The following PSD2 variants were observed in gnomAD, a reference collection of about 807,000 sequenced individuals.
PSD2 encodes pleckstrin and Sec7 domain containing 2.
A neutral mutation model predicts 69.8 loss-of-function variants in PSD2; 38 were observed. That is an observed-to-expected ratio of 0.54 (90% confidence interval 0.42 to 0.71). The LOEUF (loss-of-function observed/expected upper bound fraction) is 0.71, where lower values mean the gene tolerates loss of function less well. Among genes scored for constraint, PSD2 ranks in the 30% least tolerant of loss-of-function variants. The pLI is 0.00. For synonymous variants in PSD2, 412 were observed against 423.0 expected (o/e 0.97, Z 0.32); for missense variants, 943 against 1,014.5 (o/e 0.93, Z 0.96).
Position 139,837,664 on chromosome 5 carries a change from C to T in PSD2, c.1705C>T (p.Leu569=). 2 of 1,613,812 alleles carry T rather than the reference C, an allele frequency of 1.2e-6. No homozygotes were observed. Among genetic ancestry groups the T allele is most frequent in the Non-Finnish European group, 1.7e-6 (2 of 1,179,728 alleles). The change falls in exon 12 of 15, where the codon CTG becomes TTG. Residue 569 remains leucine, a synonymous_variant. Coordinates refer to ENST00000274710, the MANE Select transcript of PSD2 (RefSeq NM_032289.4). This position sits in a 1 kb window ranked among gnomAD's most constrained non-coding sequence, Gnocchi z 5.0. The part of the protein sequence containing the change: ...RPDKALSEGD[L]KNAIRVHHAL... ...TGACAAAGCTCTATCGGAGGGTGAC[C>T]TGAAGAACGCCATTCGCGTGCATCA...
intron 7 of PSD2, 89 bp from the exon 8 acceptor site, chr5:139,833,613 C>T (rs1406395147): frequency 2.3e-6 from 2 of 873,484 alleles, no homozygotes; most frequent in Admixed American, 3.4e-5. Flanking sequence ...TTAATGCTGC[C>T]TCATCCCTCT....
chr5:139,834,817 T>C (rs1240003824), intron 8 of PSD2, among the ~76,000 whole-genome samples: 1 of 151,732 alleles, frequency 6.6e-6, no homozygotes, highest in African/African-American at 2.4e-5. Context: ...CCTATCCATT[T>C]CTCCCAAACT....
At chr5:139,759,309 C>CTT in the PSD2 span, among the ~76,000 whole-genome samples, 1 of 151,578 alleles carries the variant, frequency 6.6e-6, no homozygotes. Context: ...CGCGCTCTCT[C>CTT]TCCACTCACA....
At chr5:139,778,447 A>G in the PSD2 span, among the ~76,000 whole-genome samples, 1 of 152,168 alleles carries the variant, frequency 6.6e-6, no homozygotes, top group South Asian at 2.1e-4. Flanking sequence ...ATTTCAGCAA[A>G]TATTTGTGAT....
upstream of PSD2, among the ~76,000 whole-genome samples, chr5:139,793,893 G>A (rs1759462982): frequency 6.6e-6 from 1 of 152,220 alleles, no homozygotes; most frequent in Admixed American, 6.5e-5. Context: ...TGAGGAAGTA[G>A]GAGCCCAGAA....
At chr5:139,746,239 G>A in the PSD2 span, 5 of 152,200 alleles carry the variant, frequency 3.3e-5, no homozygotes, top group Admixed American at 6.5e-5. This position sits in a 1 kb window ranked among gnomAD's most constrained non-coding sequence, Gnocchi z 4.5. Context: ...CCAGCGGGGG[G>A]CTTTTCGTTC....
At chr5:139,756,125 G>T in the PSD2 span, among the ~76,000 whole-genome samples, 1 of 152,192 alleles carries the variant, frequency 6.6e-6, no homozygotes, top group Non-Finnish European at 1.5e-5. Context: ...CGGCGGCTTT[G>T]TGTGCACCGG....
At chr5:139,779,280 C>A in the PSD2 span, among the ~76,000 whole-genome samples, 4 of 152,282 alleles carry the variant, frequency 2.6e-5, no homozygotes, top group Admixed American at 2.6e-4. Context: ...CTGTCTTCTT[C>A]TCCACATTTT....
the PSD2 span, among the ~76,000 whole-genome samples, chr5:139,789,988 C>CG: frequency 1.8e-3 from 267 of 151,622 alleles, no homozygotes; most frequent in Non-Finnish European, 2.9e-3. Flanking sequence ...GAGAGCAGCA[C>CG]GGGGCCGGGC....
intron 12 of PSD2, 76 bp from the exon 13 acceptor site, chr5:139,838,552 C>A: frequency 6.6e-7 from 1 of 1,525,028 alleles, no homozygotes; most frequent in Non-Finnish European, 9.0e-7. Flanking sequence ...AGGCCCAGTG[C>A]TGGGTACGGG....
At chr5:139,820,206 G>A (rs1760222876) in intron 5 of PSD2, among the ~76,000 whole-genome samples, 1 of 152,204 alleles carries the variant, frequency 6.6e-6, no homozygotes, top group African/African-American at 2.4e-5. Flanking sequence ...GCTTGGGGCA[G>A]AGTGTCCAGG....
In PSD2 at chr5:139,837,765, A is replaced by G; in HGVS notation, c.1806A>G (p.Val602=). 6.2e-7 allele frequency: 1 copy of G among 1,611,762 alleles called. No individual in the cohort carries two copies. The highest frequency in any genetic ancestry group is 1.3e-5 in the African/African-American group (1 of 75,002). Reference sequence around the variant, plus strand: ...AGCTTAAGACAGCCGACTGGAGGGTATTCCTCTTCCAGGCACCGTGAGTAG... The same window carrying G: ...AGCTTAAGACAGCCGACTGGAGGGTGTTCCTCTTCCAGGCACCGTGAGTAG... ...VLKLKTADWR[V]FLFQAPSKEE... is the part of the protein sequence containing the mutation. The change falls in exon 12 of 15, where the codon GTA becomes GTG. Residue 602 remains valine (V), a synonymous_variant. Transcript: ENST00000274710. The surrounding 1 kb of genome is among the most constrained non-coding windows in gnomAD (Gnocchi z 5.0).
At chr5:139,744,562 C>T in the PSD2 span, among the ~76,000 whole-genome samples, 12 of 152,164 alleles carry the variant, frequency 7.9e-5, no homozygotes, top group African/African-American at 2.2e-4. Context: ...AGACAGATGG[C>T]GAGGGATTAT....
At chr5:139,781,780 C>T in the PSD2 span, among the ~76,000 whole-genome samples, 1 of 151,936 alleles carries the variant, frequency 6.6e-6, no homozygotes, top group African/African-American at 2.4e-5. Context: ...ATTACAGGCA[C>T]ATGCCACGAC....
intron 13 of PSD2, 96 bp downstream of exon 13, chr5:139,838,868 G>C: frequency 7.4e-7 from 1 of 1,354,222 alleles, no homozygotes; most frequent in African/African-American, 1.4e-5. Context: ...TCTCTAGGCT[G>C]GGTGATCCTG....
intron 1 of PSD2, among the ~76,000 whole-genome samples, chr5:139,798,505 T>A (rs1207172753): frequency 6.6e-6 from 1 of 152,132 alleles, no homozygotes; most frequent in Non-Finnish European, 1.5e-5. Context: ...TGAGCTCCCC[T>A]CTTTGGAACG....
Position 139,842,950 on chromosome 5 carries a change from C to T in PSD2, c.*476C>T, listed in dbSNP as rs975792763. 2 of 159,332 alleles carry T rather than the reference C, an allele frequency of 1.3e-5. No homozygotes were observed. The highest frequency in any genetic ancestry group is 4.8e-5 in the African/African-American group (2 of 41,580). 9.9% of individuals were successfully genotyped at this position (159,332 alleles called of 1,614,324 possible). A position where few individuals can be genotyped will look rare whatever the true frequency, so the allele number is the denominator to read the frequency against. ...CCGACCACCAGCACCATCCTCTCCTCCCAGCAGCCTCCAGAACCATGCCCA... is the reference window on the plus strand; with the variant it reads ...CCGACCACCAGCACCATCCTCTCCTTCCAGCAGCCTCCAGAACCATGCCCA... On this transcript the variant is annotated 3_prime_UTR_variant, in exon 15 of 15. Coordinates refer to ENST00000274710, the MANE Select transcript of PSD2 (RefSeq NM_032289.4).
chr5:139,838,977 G>C (rs1388111475), intron 13 of PSD2, among the ~76,000 whole-genome samples: 2 of 152,196 alleles, frequency 1.3e-5, no homozygotes, highest in East Asian at 3.9e-4. Flanking sequence ...AGGGGCCACA[G>C]CTGTGGCAGG....
rs1760920324 is a variant in PSD2 at position 139,843,233 on chromosome 5, A to T, written c.*759A>T. ...TATTTTGGAGCTTCCCCTGTTAGGA[A>T]GGATGGCTGCACCTGGCCCCCTGGC... On this transcript the variant is annotated 3_prime_UTR_variant, in exon 15 of 15. Transcript: ENST00000274710. 1 of 152,264 alleles carries T rather than the reference A, an allele frequency of 6.6e-6. No homozygotes were observed. The highest frequency in any genetic ancestry group is 2.1e-4 in the South Asian group (1 of 4,834). The allele number at this position is 152,264 out of a possible 1,614,324, so 9.4% of individuals were successfully genotyped here.
Sources: allele counts gnomAD v4.1 joint callset (sites outside exome capture counted in the v4.1 genomes callset), GRCh38; gene constraint gnomAD v4.1.1; non-coding constraint Gnocchi (gnomAD v3.1); transcripts MANE v1.5; gene names NCBI Gene and HGNC (gene_info 2026-07-23, HGNC 2026-07-21).